The following LSS variants were observed in gnomAD, a reference collection of about 807,000 sequenced individuals.
LSS encodes the protein 2,3-epoxysqualene-lanosterol cyclase.
In LSS, 90 loss-of-function variants were observed where a neutral mutation model predicts 110.3. The observed-to-expected ratio is 0.82, with a 90% confidence interval of 0.69 to 0.97. The LOEUF (loss-of-function observed/expected upper bound fraction) is 0.97, where lower values mean the gene tolerates loss of function less well. Ranked by LOEUF, LSS falls within the 50% of genes least tolerant of loss-of-function variation. LSS has a pLI of 0.00. For missense variants in LSS, 927 were observed against 990.0 expected, an observed-to-expected ratio of 0.94 and a Z score of 0.85; for synonymous variants, 433 against 400.0, an observed-to-expected ratio of 1.08 and a Z score of -0.98.
chr21:46,219,101 C>CT, intron 6 of LSS, among the ~76,000 whole-genome samples: 1 of 152,178 alleles, frequency 6.6e-6, no homozygotes, highest in Admixed American at 6.5e-5. Context: ...TTCACATTCA[C>CT]CAGCAAAGGA....
rs150488834 is a variant in LSS at position 46,196,143 on chromosome 21, G to A, written c.1736+59C>T. On this transcript the variant is annotated intron_variant, in intron 18 of 21. Transcript: ENST00000397728. ...GCCAACATTTATGAACGCAGTGTGT[G>A]AGAGCAGAAACCTGTGGATCCCGTG... The A allele has an allele frequency of 5.5e-5, 83 of 1,521,182 alleles. No individual in the cohort carries two copies. The African/African-American group carries it at 9.4e-4, about 17-fold the overall frequency. 94.2% of individuals were successfully genotyped at this position (1,521,182 alleles called of 1,614,324 possible). A position where few individuals can be genotyped will look rare whatever the true frequency, so the allele number is the denominator to read the frequency against.
In LSS at chr21:46,205,886, C is replaced by A. The variant is rs138736346; in HGVS notation, c.1620G>T (p.Ala540=). ...YVECTSAVMQ[A]LKYFHKRFPE... is the part of the protein sequence containing the mutation. Reference sequence around the variant, plus strand: ...GGAAACGCTTGTGGAAATACTTAAGCGCCTGCATCACGGCTGAGGTGCACT... The same window carrying A: ...GGAAACGCTTGTGGAAATACTTAAGAGCCTGCATCACGGCTGAGGTGCACT... Residue 540 remains alanine, a synonymous_variant, in exon 17 of 22, where the codon GCG becomes GCT. Transcript: ENST00000397728. The A allele has an allele frequency of 3.7e-5, 60 of 1,611,410 alleles. No individual in the cohort carries two copies. Among genetic ancestry groups the A allele is most frequent in the Non-Finnish European group, 5.0e-5 (59 of 1,178,976 alleles).
rs528348154 is a variant in LSS, at chr21:46,216,302, G to A, written c.783+87C>T. The A allele has an allele frequency of 4.9e-4, 755 of 1,544,718 alleles. No individual in the cohort carries two copies. The highest frequency in any genetic ancestry group is 6.9e-4 in the Admixed American group (41 of 59,388). On this transcript the variant is annotated intron_variant, in intron 7 of 21. Transcript: ENST00000397728. The surrounding 1 kb of genome is among the most constrained non-coding windows in gnomAD (Gnocchi z 4.2). Reference sequence around the variant, plus strand: ...CGCTCCACAGGGCCACCAGGTGAGTGGACAGGTGTGGTTAGATTCCAGAAG... The same window carrying A: ...CGCTCCACAGGGCCACCAGGTGAGTAGACAGGTGTGGTTAGATTCCAGAAG...
In LSS at chr21:46,188,883, A is replaced by G. The variant is rs2079766640; in HGVS notation, c.*2221T>C. ...CCTATGTGGACATTGTATCACGTTT[A>G]TTTATCTTCCTGGATATGCTTATGG... On this transcript the variant is annotated 3_prime_UTR_variant, in exon 22 of 22. Transcript: ENST00000397728. 2.3e-6 allele frequency: 1 copy of G among 428,584 alleles called. No homozygotes were observed. The highest frequency in any genetic ancestry group is 2.1e-5 in the African/African-American group (1 of 48,600). The allele number at this position is 428,584 out of a possible 1,614,324, so 26.5% of individuals were successfully genotyped here.
chr21:46,191,286 G>A (rs915427230), intron 21 of LSS, 51 bp from the exon 22 acceptor site: 4 of 1,606,636 alleles, frequency 2.5e-6, no homozygotes, highest in East Asian at 4.5e-5. Context: ...TCAGCTGAGG[G>A]CTAGTCCCTG....
intron 3 of LSS, among the ~76,000 whole-genome samples, chr21:46,225,014 G>A (rs1440031031): frequency 6.6e-6 from 1 of 152,170 alleles, no homozygotes; most frequent in East Asian, 1.9e-4. Context: ...TACTCGAGAG[G>A]CTGTGGGTGG....
intron 3 of LSS, among the ~76,000 whole-genome samples, chr21:46,226,985 T>A (rs2080348653): frequency 6.6e-6 from 1 of 152,220 alleles, no homozygotes; most frequent in South Asian, 2.1e-4. Flanking sequence ...AAAAGTCCTA[T>A]TGCATAAATT....
In LSS at chr21:46,223,093, T is replaced by C. The variant is rs936075673; in HGVS notation, c.320-355A>G. Among the ~76,000 whole-genome samples the C allele has an allele frequency of 3.9e-5, 6 of 152,350 alleles. No homozygotes were observed. The East Asian group carries it at 9.6e-4, about 24-fold the overall frequency. ...AAAAGGAACCAGCATTTTAGATCAG[T>C]GGGCCTTCCATGAGGGGAGACTGTT... On this transcript the variant is annotated intron_variant, in intron 3 of 21. Transcript: ENST00000397728.
At chr21:46,226,016 G>T (rs1055057176) in intron 3 of LSS, among the ~76,000 whole-genome samples, 2 of 151,864 alleles carry the variant, frequency 1.3e-5, no homozygotes, top group African/African-American at 2.4e-5. Context: ...GACCCTGTGG[G>T]GCTGGACCCT....
At chr21:46,202,408 T>TA (rs1555894770) in intron 17 of LSS, among the ~76,000 whole-genome samples, 1 of 145,220 alleles carries the variant, frequency 6.9e-6, no homozygotes, top group African/African-American at 2.5e-5. Context: ...AAAAAAAAAA[T>TA]AAATAAAATA....
At position 46,190,841 on chromosome 21, in the gene LSS, C is replaced by A; in HGVS notation, c.*263G>T. The A allele has an allele frequency of 2.0e-6, 1 of 500,162 alleles. No individual in the cohort carries two copies. The allele number at this position is 500,162 out of a possible 1,614,324, so 31.0% of individuals were successfully genotyped here. A position where few individuals can be genotyped will look rare whatever the true frequency, so the allele number is the denominator to read the frequency against. Reference sequence around the variant, plus strand: ...GGTGGCAGAAGGCGCTGTGCCTCCTCAGGGGTCACGGCTCCTGTGCCCCCT... The same window carrying A: ...GGTGGCAGAAGGCGCTGTGCCTCCTAAGGGGTCACGGCTCCTGTGCCCCCT... On this transcript the variant is annotated 3_prime_UTR_variant, in exon 22 of 22. Transcript: ENST00000397728. This position sits in a 1 kb window ranked among gnomAD's most constrained non-coding sequence, Gnocchi z 4.6.
At chr21:46,217,236 T>A (rs1287172199) in intron 6 of LSS, among the ~76,000 whole-genome samples, 1 of 125,834 alleles carries the variant, frequency 7.9e-6, no homozygotes. Flanking sequence ...AGCGAGAGAC[T>A]CTGTCTCAAA....
intron 11 of LSS, 51 bp downstream of exon 11, chr21:46,212,974 G>A (rs768277979): frequency 6.2e-7 from 1 of 1,610,040 alleles, no homozygotes; most frequent in Non-Finnish European, 8.5e-7. Flanking sequence ...AATAATAAAG[G>A]GGAGACATGA....
chr21:46,209,624 G>A lies in LSS; in HGVS notation c.1196C>T (p.Ala399Val), dbSNP rs753544556. 30 of 1,605,998 alleles carry A rather than the reference G, an allele frequency of 1.9e-5. No homozygotes were observed. Among genetic ancestry groups the A allele is most frequent in the East Asian group, 6.7e-5 (3 of 44,638 alleles). ...AAACTCGGGCCTGTGGTGCCCGCCCGCCTGGAAGAGACAGCAGGACAGAGA... is the reference window on the plus strand; with the variant it reads ...AAACTCGGGCCTGTGGTGCCCGCCCACCTGGAAGAGACAGCAGGACAGAGA... ...TAFAIQALLE[A>V]GGHHRPEFSS... Residue 399 changes from alanine (A) to valine (V), a missense_variant and splice_region_variant, in exon 13 of 22, where the codon GCG (alanine) becomes GTG (valine). Physicochemically the swap from Ala to Val is moderately conservative, Grantham distance 64. Coordinates refer to ENST00000397728, the MANE Select transcript of LSS (RefSeq NM_002340.6). This position sits in a 1 kb window ranked among gnomAD's most constrained non-coding sequence, Gnocchi z 4.4.
intron 4 of LSS, 174 bp downstream of exon 4, chr21:46,222,456 C>T (rs995221746): frequency 6.7e-6 from 4 of 595,424 alleles, no homozygotes. Context: ...GCCGAGGCCC[C>T]ACCTGCATGG....
rs908827931 is a variant in LSS, at chr21:46,192,032, G to A, written c.1989-73C>T. 18 of 1,126,926 alleles carry A rather than the reference G, an allele frequency of 1.6e-5. 1 individual carries two copies. Among genetic ancestry groups the A allele is most frequent in the Middle Eastern group, 1.9e-4 (1 of 5,202 alleles). 69.8% of individuals were successfully genotyped at this position (1,126,926 alleles called of 1,614,324 possible). On this transcript the variant is annotated intron_variant, in intron 20 of 21. Transcript: ENST00000397728. ...GCATCATCCTCACCCTCACACAGCC[G>A]AGCATAAGGGCAAACCCTGGAATGC... is the stretch of plus-strand genomic sequence containing the variant.
At chr21:46,202,880 C>T (rs1311684068) in intron 17 of LSS, among the ~76,000 whole-genome samples, 1 of 152,084 alleles carries the variant, frequency 6.6e-6, no homozygotes, top group African/African-American at 2.4e-5. Context: ...CTGCTTCAAA[C>T]AAATAAACAA....
In LSS at chr21:46,194,524, G is replaced by A. The variant is rs765496350; in HGVS notation, c.1955C>T (p.Thr652Ile). Residue 652 changes from threonine to isoleucine, a missense_variant, in exon 20 of 22, where the codon ACA becomes ATA. By Grantham distance (89) the Thr-to-Ile change is moderately conservative (BLOSUM62 -1). Transcript: ENST00000397728. Reference protein sequence around the residue: ...LQSAQSQIHNTCWAMMGLMAV... With the variant: ...LQSAQSQIHNICWAMMGLMAV... ...CATCAGCCCCATCATGGCCCAGCAT[G>A]TGTTATGGATCTGGGACTGGGCACT... The A allele has an allele frequency of 6.2e-6, 10 of 1,613,874 alleles. No homozygotes were observed. Among genetic ancestry groups the A allele is most frequent in the Non-Finnish European group, 7.6e-6 (9 of 1,180,042 alleles).
At chr21:46,205,779 TG>T in intron 17 of LSS, 56 bp downstream of exon 17, 1 of 1,370,910 alleles carries the variant, frequency 7.3e-7, no homozygotes, top group Non-Finnish European at 1.0e-6. Context: ...ATGATGCGTC[TG>T]GGTCTTGGCC....
Sources: gnomAD v4.1 joint callset for allele counts (sites outside exome capture counted in the v4.1 genomes callset) on GRCh38, gnomAD v4.1.1 for gene constraint, Gnocchi (gnomAD v3.1) non-coding constraint, MANE v1.5 for transcripts, NCBI Gene and HGNC (gene_info 2026-07-23, HGNC 2026-07-21) for gene names.